The following HS3ST4 variants were observed in gnomAD, a reference collection of about 807,000 sequenced individuals.
HS3ST4 encodes heparan sulfate-glucosamine 3-sulfotransferase 4, also known as heparan sulfate glucosamine 3-O-sulfotransferase 4.
Under a neutral mutation model 29.2 loss-of-function variants are expected in HS3ST4, and 17 were observed. That is an observed-to-expected ratio of 0.58 (90% CI 0.40 to 0.87). HS3ST4 has a LOEUF of 0.87. Among genes scored for constraint, HS3ST4 ranks in the 40% least tolerant of loss-of-function variants. HS3ST4 has a pLI of 0.00. For missense variants in HS3ST4, 627 were observed against 634.5 expected, an observed-to-expected ratio of 0.99 and a Z score of 0.13; for synonymous variants, 314 against 285.7, an observed-to-expected ratio of 1.10 and a Z score of -1.00.
At chr16:25,725,336 C>T (rs964857802) in intron 1 of HS3ST4, among the ~76,000 whole-genome samples, 1 of 152,118 alleles carries the variant, frequency 6.6e-6, no homozygotes, top group Non-Finnish European at 1.5e-5. Context: ...CGAAAAATAG[C>T]CTTTCTTCCC....
chr16:25,868,601 G>A (rs1270265909), intron 1 of HS3ST4, among the ~76,000 whole-genome samples: 1 of 152,176 alleles, frequency 6.6e-6, no homozygotes, highest in Non-Finnish European at 1.5e-5. Context: ...CCTTTGCAAA[G>A]GTTCACCATG....
chr16:25,808,362 C>G (rs189438062), intron 1 of HS3ST4, among the ~76,000 whole-genome samples: 2 of 152,134 alleles, frequency 1.3e-5, no homozygotes, highest in Non-Finnish European at 2.9e-5. Flanking sequence ...GTCTAATTGC[C>G]CAAACATGAT....
intron 1 of HS3ST4, among the ~76,000 whole-genome samples, chr16:25,895,576 T>G (rs1160263914): frequency 2.6e-5 from 4 of 152,038 alleles, no homozygotes; most frequent in African/African-American, 9.7e-5. Flanking sequence ...AACTGGATGC[T>G]GTGGACTGGG....
chr16:25,857,289 A>T (rs1428929584), intron 1 of HS3ST4, among the ~76,000 whole-genome samples: 1 of 152,042 alleles, frequency 6.6e-6, no homozygotes, highest in East Asian at 1.9e-4. Flanking sequence ...GTCTCTCCTA[A>T]TTATAAGGTG....
At chr16:25,825,996 G>A (rs1967210700) in intron 1 of HS3ST4, 1 of 152,150 alleles carries the variant, frequency 6.6e-6, no homozygotes, top group Non-Finnish European at 1.5e-5. Context: ...GTGTTTTCCT[G>A]GGATATTTCA....
At chr16:26,055,788 A>C (rs1334774494) in intron 1 of HS3ST4, among the ~76,000 whole-genome samples, 1 of 152,090 alleles carries the variant, frequency 6.6e-6, no homozygotes, top group Non-Finnish European at 1.5e-5. Context: ...TAATATGCTG[A>C]TATATTGTAG....
At chr16:25,979,931 C>T (rs1171369912) in intron 1 of HS3ST4, among the ~76,000 whole-genome samples, 1 of 152,142 alleles carries the variant, frequency 6.6e-6, no homozygotes, top group African/African-American at 2.4e-5. Flanking sequence ...GACCCTTCAC[C>T]CTTTGTCCAT....
At chr16:25,911,491 G>T (rs1366920464) in intron 1 of HS3ST4, among the ~76,000 whole-genome samples, 2 of 136,954 alleles carry the variant, frequency 1.5e-5, no homozygotes, top group East Asian at 4.4e-4. Flanking sequence ...GTGTTCCGTT[G>T]TGTGGTTTTT....
chr16:25,851,195 TTA>T (rs753251627), intron 1 of HS3ST4, among the ~76,000 whole-genome samples: 1 of 152,124 alleles, frequency 6.6e-6, no homozygotes, highest in Non-Finnish European at 1.5e-5. Flanking sequence ...GACGTTTAGA[TTA>T]TATGTTTGTT....
intron 1 of HS3ST4, among the ~76,000 whole-genome samples, chr16:25,869,001 T>C (rs1315112124): frequency 6.6e-6 from 1 of 152,180 alleles, no homozygotes; most frequent in Admixed American, 6.5e-5. Context: ...TGTGTGTGCC[T>C]ATGCATTTAC....
At position 25,911,315 on chromosome 16, in the gene HS3ST4, C is replaced by T. The variant is rs953140052; in HGVS notation, c.734+218164C>T. The stretch of plus-strand genomic sequence containing the variant: ...GGTGCCTGCAGAAATGGAGTCTCTG[C>T]AGCAGGTGTTGAAAGAGGTGGTGGG... On this transcript the variant is annotated intron_variant, in intron 1 of 1. Transcript: ENST00000331351. Among the ~76,000 whole-genome samples, 7 of 152,080 alleles carry T rather than the reference C, an allele frequency of 4.6e-5. No homozygotes were observed. The East Asian group carries it at 1.2e-3, about 25-fold the overall frequency.
chr16:25,997,987 G>A (rs1348486725), intron 1 of HS3ST4, among the ~76,000 whole-genome samples: 3 of 152,188 alleles, frequency 2.0e-5, no homozygotes, highest in Non-Finnish European at 2.9e-5. Flanking sequence ...AGTAATCCCA[G>A]CATGTTGTGA....
At chr16:25,932,559 G>A (rs1187617190) in intron 1 of HS3ST4, among the ~76,000 whole-genome samples, 1 of 152,050 alleles carries the variant, frequency 6.6e-6, no homozygotes, top group Non-Finnish European at 1.5e-5. Context: ...ATCCCCATGT[G>A]ACATGTTATT....
At chr16:25,794,690 C>T (rs1413234062) in intron 1 of HS3ST4, among the ~76,000 whole-genome samples, 1 of 151,866 alleles carries the variant, frequency 6.6e-6, no homozygotes, top group African/African-American at 2.4e-5. Context: ...GTTTCATTTT[C>T]AGCAGTTTAT....
chr16:25,927,050 G>A (rs1402118903), intron 1 of HS3ST4, among the ~76,000 whole-genome samples: 5 of 150,080 alleles, frequency 3.3e-5, no homozygotes, highest in East Asian at 1.9e-4. Flanking sequence ...CGACAAGAGC[G>A]AAACTCCGTC....
At chr16:25,973,774 A>G (rs1033581318) in intron 1 of HS3ST4, among the ~76,000 whole-genome samples, 5 of 152,154 alleles carry the variant, frequency 3.3e-5, no homozygotes, top group Non-Finnish European at 7.3e-5. Context: ...CAGTTTTATG[A>G]GCTTTTCTTA....
At chr16:25,703,305 A>T (rs1298589969) in intron 1 of HS3ST4, among the ~76,000 whole-genome samples, 1 of 152,194 alleles carries the variant, frequency 6.6e-6, no homozygotes, top group Non-Finnish European at 1.5e-5. Flanking sequence ...TTCGAATCTG[A>T]TGGAATAACA....
intron 1 of HS3ST4, among the ~76,000 whole-genome samples, chr16:25,885,833 T>C (rs992949711): frequency 6.6e-6 from 1 of 151,974 alleles, no homozygotes; most frequent in Non-Finnish European, 1.5e-5. Context: ...TCTACCCTTC[T>C]GTAAGTAGAA....
chr16:25,929,753 A>C (rs933058405), intron 1 of HS3ST4, among the ~76,000 whole-genome samples: 3 of 152,222 alleles, frequency 2.0e-5, no homozygotes, highest in African/African-American at 7.2e-5. Flanking sequence ...TTGTCTGAGA[A>C]GAAGGCAAAA....
Sources: allele counts gnomAD v4.1 joint callset (sites outside exome capture counted in the v4.1 genomes callset), GRCh38; gene constraint gnomAD v4.1.1; transcripts MANE v1.5; gene names NCBI Gene and HGNC (gene_info 2026-07-23, HGNC 2026-07-21).